KCNH7: variants seen among roughly 807,000 people sequenced by gnomAD.
KCNH7 encodes the protein voltage-gated inwardly rectifying potassium channel KCNH7.
A neutral mutation model predicts 120.8 loss-of-function variants in KCNH7; 49 were observed. The observed-to-expected ratio is 0.41, with a 90% CI of 0.32 to 0.51. The LOEUF (loss-of-function observed/expected upper bound fraction) is 0.51, where lower values mean the gene tolerates loss of function less well. Ranked by LOEUF, KCNH7 falls within the 20% of genes least tolerant of loss-of-function variation. The pLI, the probability that KCNH7 is intolerant of heterozygous loss-of-function variation, is 0.38. For missense variants in KCNH7, 1,097 were observed against 1,446.6 expected (o/e 0.76, Z 3.92); for synonymous variants, 547 against 516.1 (o/e 1.06, Z -0.81).
At chr2:162,580,015 C>T (rs978682232) in intron 2 of KCNH7, among the ~76,000 whole-genome samples, 1 of 151,988 alleles carries the variant, frequency 6.6e-6, no homozygotes, top group Non-Finnish European at 1.5e-5. Flanking sequence ...TAGTAGTTCT[C>T]TACCTTCATT....
At chr2:162,404,032 C>T (rs1357630046) in intron 9 of KCNH7, among the ~76,000 whole-genome samples, 1 of 151,820 alleles carries the variant, frequency 6.6e-6, no homozygotes. Flanking sequence ...TTTTTTGTTT[C>T]TTTGTTTTCA....
chr2:162,730,039 A>G (rs1687670533), intron 2 of KCNH7, among the ~76,000 whole-genome samples: 1 of 152,026 alleles, frequency 6.6e-6, no homozygotes, highest in South Asian at 2.1e-4. Flanking sequence ...CTTAAAAAAT[A>G]TGTAAATACA....
chr2:162,421,586 C>T (rs1687710301), intron 9 of KCNH7, among the ~76,000 whole-genome samples: 1 of 152,122 alleles, frequency 6.6e-6, no homozygotes, highest in South Asian at 2.1e-4. Flanking sequence ...CCACAATTTA[C>T]ACGATAATTA....
intron 2 of KCNH7, among the ~76,000 whole-genome samples, chr2:162,584,982 T>G (rs1338263538): frequency 6.7e-6 from 1 of 148,356 alleles, no homozygotes; most frequent in African/African-American, 2.5e-5. Flanking sequence ...AGAATATGGG[T>G]GTTTATGAAA....
At chr2:162,543,175 A>C (rs778931803) in intron 2 of KCNH7, among the ~76,000 whole-genome samples, 3 of 152,090 alleles carry the variant, frequency 2.0e-5, no homozygotes, top group Non-Finnish European at 4.4e-5. Context: ...ATGTATATAG[A>C]AGCATTATAA....
rs377572486 is a variant in KCNH7, at chr2:162,384,732, G to A, written c.2918C>T (p.Thr973Ile). 1 of 1,612,638 alleles carries A rather than the reference G, an allele frequency of 6.2e-7. No individual in the cohort carries two copies. Among genetic ancestry groups the A allele is most frequent in the Non-Finnish European group, 8.5e-7 (1 of 1,178,976 alleles). ...TTTATCTATGTGCATTCTTCCTGAG[G>A]TGGGCACTGTTTCTTCAAAATCGAG... ...SGLDFEETVP[T>I]SGRMHIDKRS... Residue 973 changes from threonine (T) to isoleucine (I), a missense_variant, in exon 13 of 16, where the codon ACC becomes ATC. Thr to Ile is a moderately conservative substitution (Grantham distance 89, BLOSUM62 -1). Around this residue, in one of 8 missense-constraint regions of KCNH7, gnomAD observed 406 missense variants for 410.5 expected, o/e 0.99. Coordinates refer to ENST00000332142, the MANE Select transcript of KCNH7 (RefSeq NM_033272.4).
chr2:162,569,446 G>T (rs1435205290), intron 2 of KCNH7, among the ~76,000 whole-genome samples: 2 of 147,168 alleles, frequency 1.4e-5, no homozygotes, highest in Admixed American at 6.9e-5. Flanking sequence ...CTTGCTAGCG[G>T]TCTATCAATT....
intron 6 of KCNH7, among the ~76,000 whole-genome samples, chr2:162,474,752 C>G (rs773575404): frequency 6.6e-6 from 1 of 152,016 alleles, no homozygotes; most frequent in Non-Finnish European, 1.5e-5. Flanking sequence ...CATAAGTAAG[C>G]TCAGAAGAGG....
At chr2:162,442,558 T>C (rs188494107) in intron 7 of KCNH7, among the ~76,000 whole-genome samples, 4 of 152,182 alleles carry the variant, frequency 2.6e-5, no homozygotes, top group Non-Finnish European at 5.9e-5. Flanking sequence ...GATGCTTTGA[T>C]GGATAGAAAA....
At chr2:162,722,813 C>CTTTGTTTTTTTTTT (rs1220971256) in intron 2 of KCNH7, among the ~76,000 whole-genome samples, 1 of 85,110 alleles carries the variant, frequency 1.2e-5, no homozygotes, top group African/African-American at 6.1e-5. Context: ...TTCTTTTTTT[C>CTTTGTTTTTTTTTT]TTTTTTTTTT....
intron 10 of KCNH7, among the ~76,000 whole-genome samples, chr2:162,399,529 A>G (rs971230008): frequency 6.6e-6 from 1 of 151,482 alleles, no homozygotes; most frequent in Non-Finnish European, 1.5e-5. Flanking sequence ...CTCTCTCCAC[A>G]CCTCACGACA....
At chr2:162,783,426 A>T (rs1036540836) in intron 2 of KCNH7, among the ~76,000 whole-genome samples, 1 of 152,194 alleles carries the variant, frequency 6.6e-6, no homozygotes, top group Non-Finnish European at 1.5e-5. Context: ...AGCCTGGAAA[A>T]TTGGAAAACA....
intron 2 of KCNH7, among the ~76,000 whole-genome samples, chr2:162,577,369 C>CTATA (rs1457204421): frequency 7.2e-6 from 1 of 139,652 alleles, no homozygotes; most frequent in African/African-American, 2.7e-5. Flanking sequence ...ATCTATCTAT[C>CTATA]TATCTATCTA....
chr2:162,679,636 T>G (rs1000637884), intron 2 of KCNH7, among the ~76,000 whole-genome samples: 8 of 151,662 alleles, frequency 5.3e-5, no homozygotes, highest in African/African-American at 1.7e-4. Context: ...ATTCAAGTTT[T>G]CCTTTATATC....
chr2:162,382,951 A>G (rs891260327), intron 13 of KCNH7, among the ~76,000 whole-genome samples: 2 of 151,960 alleles, frequency 1.3e-5, no homozygotes, highest in African/African-American at 4.8e-5. Flanking sequence ...TTGAATAGAG[A>G]TTGCCCTGTA....
intron 2 of KCNH7, among the ~76,000 whole-genome samples, chr2:162,548,927 C>T (rs1036753384): frequency 4.6e-5 from 7 of 152,126 alleles, no homozygotes; most frequent in African/African-American, 7.2e-5. Flanking sequence ...CGTTTGAGTT[C>T]TGTAGCCAAT....
chr2:162,739,328 C>T (rs1688032981), intron 2 of KCNH7, among the ~76,000 whole-genome samples: 1 of 152,140 alleles, frequency 6.6e-6, no homozygotes, highest in South Asian at 2.1e-4. Context: ...TGATGTTATT[C>T]CTAATGTCAA....
chr2:162,670,964 G>GAA (rs5835916), intron 2 of KCNH7, among the ~76,000 whole-genome samples: 8 of 151,482 alleles, frequency 5.3e-5, no homozygotes, highest in East Asian at 3.9e-4. Context: ...AGAAACATAT[G>GAA]AAAAAAAATG....
At chr2:162,527,500 C>G (rs902370488) in intron 3 of KCNH7, among the ~76,000 whole-genome samples, 2 of 151,900 alleles carry the variant, frequency 1.3e-5, no homozygotes, top group East Asian at 2.0e-4. Flanking sequence ...AACTGAGATA[C>G]AAATTTGAGG....
Sources: gnomAD v4.1 joint callset for allele counts (sites outside exome capture counted in the v4.1 genomes callset) on GRCh38, gnomAD v4.1.1 for gene constraint, gnomAD v4.1.1 regional missense constraint, MANE v1.5 for transcripts, NCBI Gene and HGNC (gene_info 2026-07-23, HGNC 2026-07-21) for gene names.